Variants in SGK2 observed in about 807,000 individuals in gnomAD.
SGK2 encodes serum/glucocorticoid regulated kinase 2.
In SGK2, 36 loss-of-function variants were observed where a neutral mutation model predicts 47.5. The observed-to-expected ratio is 0.76, with a 90% CI of 0.58 to 1.00. The LOEUF is 1.00. SGK2 is among the 50% of genes least tolerant of loss of function. The pLI is 0.00. For missense variants in SGK2, 404 were observed against 467.4 expected, an observed-to-expected ratio of 0.86 and a Z score of 1.25; for synonymous variants, 157 against 181.9, an observed-to-expected ratio of 0.86 and a Z score of 1.10.
intron 7 of SGK2, 24 bp from the exon 8 acceptor site, chr20:43,571,000 G>C: frequency 2.5e-6 from 4 of 1,612,042 alleles, no homozygotes; most frequent in East Asian, 2.2e-5. Flanking sequence ...ACACCTCAAG[G>C]CTGTTTTCTC....
chr20:43,567,788 G>A, intron 4 of SGK2, 66 bp downstream of exon 4: 1 of 1,577,284 alleles, frequency 6.3e-7, no homozygotes, highest in Non-Finnish European at 8.7e-7. Context: ...AGCCCCTGCT[G>A]CCACTTGTAT....
At chr20:43,566,295 A>T (rs779330462) in intron 1 of SGK2, 178 bp from the exon 2 acceptor site, 18 of 1,575,352 alleles carry the variant, frequency 1.1e-5, no homozygotes, top group Non-Finnish European at 1.6e-5. Flanking sequence ...GGTCCAGGGG[A>T]TATCATTTCT....
intron 12 of SGK2, 76 bp from the exon 13 acceptor site, chr20:43,584,775 TC>T (rs1236922035): frequency 1.6e-5 from 19 of 1,167,178 alleles, no homozygotes; most frequent in Non-Finnish European, 2.4e-5. Context: ...AGGCCTGACA[TC>T]CCTCTCTGAG....
intron 1 of SGK2, among the ~76,000 whole-genome samples, chr20:43,561,560 T>C (rs2145525009): frequency 6.6e-6 from 1 of 152,050 alleles, no homozygotes; most frequent in Middle Eastern, 3.4e-3. Flanking sequence ...CAGCTAATTT[T>C]TGTATTTTTA....
intron 12 of SGK2, chr20:43,583,432 G>A: frequency 1.7e-6 from 2 of 1,191,350 alleles, no homozygotes; most frequent in Non-Finnish European, 2.1e-6. Context: ...GGGCCAGGAT[G>A]CACATTCTGA....
chr20:43,576,144 G>T (rs928887942), intron 10 of SGK2, 80 bp from the exon 11 acceptor site: 1 of 1,541,744 alleles, frequency 6.5e-7, no homozygotes, highest in South Asian at 1.2e-5. Context: ...CCTCCCAGCC[G>T]CCCACCTTGC....
chr20:43,562,609 C>CG (rs1418817268), intron 1 of SGK2, among the ~76,000 whole-genome samples: 2 of 149,550 alleles, frequency 1.3e-5, no homozygotes, highest in African/African-American at 4.9e-5. Flanking sequence ...GGCGCAGTGG[C>CG]GGGTGCCTGT....
chr20:43,562,419 A>C (rs78062385), intron 1 of SGK2, among the ~76,000 whole-genome samples: 2 of 71,580 alleles, frequency 2.8e-5, no homozygotes, highest in African/African-American at 9.0e-5. Context: ...CCATGTCTCA[A>C]AAAAAAAAAA....
At chr20:43,568,954 C>T (rs990260179) in intron 5 of SGK2, among the ~76,000 whole-genome samples, 2 of 152,090 alleles carry the variant, frequency 1.3e-5, no homozygotes, top group Non-Finnish European at 2.9e-5. Flanking sequence ...AGGGAGGCAG[C>T]GGTGCAGCTG....
At chr20:43,580,355 C>A (rs1053924830) in intron 12 of SGK2, among the ~76,000 whole-genome samples, 2 of 152,184 alleles carry the variant, frequency 1.3e-5, no homozygotes, top group Admixed American at 6.5e-5. Flanking sequence ...TAGGGCCAAG[C>A]CCTTTAGAGA....
rs142538893 is a variant in SGK2, at chr20:43,578,728, A to G, written c.850-1244A>G. 3.7e-3 allele frequency among the ~76,000 whole-genome samples: 561 copies of G among 152,286 alleles called. 14 individuals are homozygous for G. The highest frequency in any genetic ancestry group is 0.035 in the East Asian group (181 of 5,184). The stretch of plus-strand genomic sequence containing the variant: ...AATAAGTGCTTTTTAAGTGTACCAA[A>G]AGCTTTACATTCCAGTTACTGTAAA... On this transcript the variant is annotated intron_variant, in intron 11 of 12. Transcript: ENST00000373100.
Sources: gnomAD v4.1 joint callset for allele counts (sites outside exome capture counted in the v4.1 genomes callset) on GRCh38, gnomAD v4.1.1 for gene constraint, MANE v1.5 for transcripts, NCBI Gene and HGNC (gene_info 2026-07-23, HGNC 2026-07-21) for gene names.